The following PTPRK variants were observed in gnomAD, a reference collection of about 807,000 sequenced individuals.
PTPRK encodes the protein receptor-type tyrosine-protein phosphatase kappa.
A neutral mutation model predicts 178.0 loss-of-function variants in PTPRK; 75 were observed. That is an observed-to-expected ratio of 0.42 (90% CI 0.35 to 0.51). PTPRK has a LOEUF of 0.51. PTPRK is among the 20% of genes least tolerant of loss of function. PTPRK has a pLI of 0.02. For missense variants in PTPRK, 1,441 were observed against 1,797.8 expected, an observed-to-expected ratio of 0.80 and a Z score of 3.59; for synonymous variants, 637 against 620.6, an observed-to-expected ratio of 1.03 and a Z score of -0.39.
At chr6:128,168,410 C>A (rs1236215606) in intron 7 of PTPRK, among the ~76,000 whole-genome samples, 1 of 152,032 alleles carries the variant, frequency 6.6e-6, no homozygotes, top group Non-Finnish European at 1.5e-5. Context: ...CAGCAATTGG[C>A]ACCTTGTGGA....
chr6:128,470,981 T>A lies in PTPRK; in HGVS notation c.100+49278A>T, dbSNP rs1313387290. Among the ~76,000 whole-genome samples the A allele has an allele frequency of 2.7e-5, 4 of 150,790 alleles. No homozygotes were observed. In the South Asian group the frequency reaches 8.4e-4, roughly 32 times the overall value. On this transcript the variant is annotated intron_variant, in intron 1 of 29. Coordinates refer to ENST00000368226, the MANE Select transcript of PTPRK (RefSeq NM_002844.4). ...ATAAACAAGACAAGGAAAGTTAAAA[T>A]CACATTACATTAAGAGCTAGGTTGC...
chr6:128,445,220 AATT>A lies in PTPRK; in HGVS notation c.101-47535_101-47533del, dbSNP rs1562536100. ...TTTATTTATATATATATATATATATAATTTATATATAATAGTATAAATACTATA... is the reference window on the plus strand; with the variant it reads ...TTTATTTATATATATATATATATATATATATATAATAGTATAAATACTATA... On this transcript the variant is annotated intron_variant, in intron 1 of 29. Transcript: ENST00000368226. 3.0e-3 allele frequency among the ~76,000 whole-genome samples: 423 copies of A among 139,286 alleles called. 3 individuals carry two copies. The highest frequency in any genetic ancestry group is 0.01 in the African/African-American group (362 of 35,312). 91.4% of individuals were successfully genotyped at this position (139,286 alleles called of 152,430 possible). A position where few individuals can be genotyped will look rare whatever the true frequency, so the allele number is the denominator to read the frequency against.
chr6:128,383,006 A>G (rs949799820), intron 2 of PTPRK, among the ~76,000 whole-genome samples: 3 of 152,192 alleles, frequency 2.0e-5, no homozygotes. Context: ...ATCATAAGGA[A>G]TGTGACATAT....
At position 128,348,747 on chromosome 6, in the gene PTPRK, A is replaced by T. The variant is rs190299885; in HGVS notation, c.224-26437T>A. Among the ~76,000 whole-genome samples the T allele has an allele frequency of 2.0e-3, 299 of 152,158 alleles. 2 individuals carry two copies. The highest frequency in any genetic ancestry group is 6.8e-3 in the African/African-American group (282 of 41,562). On this transcript the variant is annotated intron_variant, in intron 2 of 29. Transcript: ENST00000368226. ...ATTAAGTATTTTTAGCTATTTCTTTAATAAGATATGTATGAAAACCTGAAA... is the reference window on the plus strand; with the variant it reads ...ATTAAGTATTTTTAGCTATTTCTTTTATAAGATATGTATGAAAACCTGAAA...
rs181589366 is a variant in PTPRK, at chr6:128,204,432, C to T, written c.868+14490G>A. ...GCAAAAATTGACAAATGGGATCTAA[C>T]GAAAGAACTTCTGCACAGCAAAAGA... On this transcript the variant is annotated intron_variant, in intron 6 of 29. Transcript: ENST00000368226. Among the ~76,000 whole-genome samples, 20 of 151,650 alleles carry T rather than the reference C, an allele frequency of 1.3e-4. No homozygotes were observed. In the East Asian group the frequency reaches 3.1e-3, roughly 23 times the overall value.
chr6:127,973,733 A>G lies in PTPRK; in HGVS notation c.4064T>C (p.Leu1355Pro). 6.2e-7 allele frequency: 1 copy of G among 1,613,998 alleles called. No individual in the cohort carries two copies. Among genetic ancestry groups the G allele is most frequent in the Non-Finnish European group, 8.5e-7 (1 of 1,179,922 alleles). The change falls in exon 28 of 30, where the codon CTG becomes CCG. Residue 1355 changes from leucine (L) to proline (P), a missense_variant. Leu to Pro is a moderately conservative substitution (Grantham distance 98, BLOSUM62 -3). Around this residue, in one of 4 missense-constraint regions of PTPRK, gnomAD observed 335 missense variants for 512.4 expected, o/e 0.65. Transcript: ENST00000368226. ...CTGCCACTTTTCCACCTGAAGTATCAGTTTCAAGAATGACCTTTTGGATCC... is the reference window on the plus strand; with the variant it reads ...CTGCCACTTTTCCACCTGAAGTATCGGTTTCAAGAATGACCTTTTGGATCC... ...VPGSKRSFLK[L>P]ILQVEKWQEE...
chr6:128,363,571 A>G (rs1048459096), intron 2 of PTPRK, among the ~76,000 whole-genome samples: 3 of 152,004 alleles, frequency 2.0e-5, no homozygotes, highest in Non-Finnish European at 4.4e-5. Context: ...CTCCATTCCT[A>G]TTGCATGTCT....
chr6:128,270,613 T>C (rs1819653277), intron 3 of PTPRK, among the ~76,000 whole-genome samples: 1 of 152,282 alleles, frequency 6.6e-6, no homozygotes. Flanking sequence ...CCAAGCATTT[T>C]CCATATACAA....
chr6:128,487,503 G>A (rs189018385), intron 1 of PTPRK, among the ~76,000 whole-genome samples: 3 of 151,584 alleles, frequency 2.0e-5, no homozygotes, highest in African/African-American at 7.3e-5. Flanking sequence ...TCCAAAACAG[G>A]CCATAAAACC....
At chr6:128,112,824 A>T (rs1790886858) in intron 7 of PTPRK, among the ~76,000 whole-genome samples, 1 of 152,124 alleles carries the variant, frequency 6.6e-6, no homozygotes, top group Non-Finnish European at 1.5e-5. Context: ...TTTGTTGGTG[A>T]ATTAGAATAG....
intron 13 of PTPRK, among the ~76,000 whole-genome samples, chr6:128,010,570 G>A (rs1778943180): frequency 6.6e-6 from 1 of 151,132 alleles, no homozygotes; most frequent in South Asian, 2.1e-4. Context: ...CTGCCAAAAG[G>A]AGACTGTTGA....
intron 7 of PTPRK, among the ~76,000 whole-genome samples, chr6:128,176,354 G>A (rs946163982): frequency 1.1e-4 from 17 of 151,636 alleles, no homozygotes; most frequent in Non-Finnish European, 1.5e-5. Context: ...TTGTGGTGAG[G>A]GACTATGTAG....
At chr6:128,231,162 T>C (rs1812229205) in intron 5 of PTPRK, among the ~76,000 whole-genome samples, 1 of 152,234 alleles carries the variant, frequency 6.6e-6, no homozygotes, top group Non-Finnish European at 1.5e-5. Flanking sequence ...ATCCATGATA[T>C]GAGATCGGTG....
At chr6:128,033,226 G>A (rs745490867) in intron 13 of PTPRK, among the ~76,000 whole-genome samples, 5 of 152,176 alleles carry the variant, frequency 3.3e-5, no homozygotes, top group Admixed American at 6.5e-5. Context: ...TGGCACAAAC[G>A]ACAGAACTAA....
chr6:128,245,303 A>G (rs1815259663), intron 3 of PTPRK, among the ~76,000 whole-genome samples: 2 of 152,202 alleles, frequency 1.3e-5, no homozygotes, highest in South Asian at 4.1e-4. Context: ...AGTAGACTTT[A>G]GAGTTTAAAT....
intron 1 of PTPRK, among the ~76,000 whole-genome samples, chr6:128,463,118 A>C (rs554889952): frequency 3.3e-5 from 5 of 152,340 alleles, no homozygotes; most frequent in African/African-American, 1.2e-4. Flanking sequence ...GTCCTCAATA[A>C]ACATATCACC....
intron 3 of PTPRK, among the ~76,000 whole-genome samples, chr6:128,248,373 C>T (rs1012250516): frequency 1.3e-5 from 2 of 152,122 alleles, no homozygotes; most frequent in African/African-American, 4.8e-5. Context: ...TGTAGTTCCA[C>T]AAGATGTGTC....
At chr6:128,001,345 A>G (rs542255533) in intron 15 of PTPRK, 25 of 526,558 alleles carry the variant, frequency 4.7e-5, no homozygotes, top group African/African-American at 2.3e-4. Context: ...TATAAATACA[A>G]AAATGATTGG....
chr6:128,219,028 G>T lies in PTPRK; in HGVS notation c.762C>A (p.Ser254=), dbSNP rs1390288190. ...TTTTTGTCACTTCTTGCAATCTGAA[G>T]GAAGCGGCAAACCTTCTATGATTGA... The part of the protein sequence containing the change: ...KNINHRRFAA[S]FRLQEVTKTD... The change falls in exon 6 of 30, where the codon TCC becomes TCA. Residue 254 remains serine, a synonymous_variant. Transcript: ENST00000368226. 1.2e-6 allele frequency: 2 copies of T among 1,613,888 alleles called. No homozygotes were observed. The highest frequency in any genetic ancestry group is 3.3e-5 in the Admixed American group (2 of 60,016).
Sources: gnomAD v4.1 joint callset for allele counts (sites outside exome capture counted in the v4.1 genomes callset) on GRCh38, gnomAD v4.1.1 for gene constraint, gnomAD v4.1.1 regional missense constraint, MANE v1.5 for transcripts, NCBI Gene and HGNC (gene_info 2026-07-23, HGNC 2026-07-21) for gene names.